Variants in SCAF4 observed in about 807,000 individuals in gnomAD.
The protein encoded by SCAF4 is SR-related and CTD-associated factor 4.
In SCAF4, 25 loss-of-function variants were observed where a neutral mutation model predicts 129.8. That is an observed-to-expected ratio of 0.19 (90% CI 0.14 to 0.27). SCAF4 has a LOEUF of 0.27. SCAF4 is among the 10% of genes least tolerant of loss of function. SCAF4 has a pLI of 1.00. For synonymous variants in SCAF4, 551 were observed against 497.7 expected (o/e 1.11, Z -1.43); for missense variants, 1,246 against 1,457.1 (o/e 0.86, Z 2.36).
Position 31,685,180 on chromosome 21 carries a change from G to A in SCAF4, c.2357C>T (p.Pro786Leu). The change falls in exon 19 of 20, where the codon CCA (proline) becomes CTA (leucine). Residue 786 changes from proline (P) to leucine (L), a missense_variant. Transcript: ENST00000286835. ...TCCTCTAGCCCCAGACACCACTGTT[G>A]GAATGGGATTTCCAATAGATAAGTC... ...TKDLSIGNPI[P>L]TVVSGARGNA... 6.2e-7 allele frequency: 1 copy of A among 1,612,336 alleles called. No homozygotes were observed. Among genetic ancestry groups the A allele is most frequent in the Non-Finnish European group, 8.5e-7 (1 of 1,179,104 alleles).
intron 3 of SCAF4, 30 bp from the exon 4 acceptor site, chr21:31,703,956 AG>A: frequency 2.1e-6 from 3 of 1,412,796 alleles, no homozygotes; most frequent in Non-Finnish European, 1.9e-6. Flanking sequence ...AGATCAGTAC[AG>A]AAAAAGCAAA....
chr21:31,696,342 C>A, intron 8 of SCAF4, 121 bp from the exon 9 acceptor site: 1 of 731,616 alleles, frequency 1.4e-6, no homozygotes, highest in South Asian at 2.3e-5. Flanking sequence ...ATATATTTAC[C>A]TATATATTAA....
chr21:31,675,528 T>A (rs1226505149), intron 19 of SCAF4, among the ~76,000 whole-genome samples: 1 of 152,154 alleles, frequency 6.6e-6, no homozygotes, highest in Non-Finnish European at 1.5e-5. Context: ...GCTCTCTGCC[T>A]TAACTGAGCG....
chr21:31,699,658 TTC>T (rs1368063780), intron 7 of SCAF4, among the ~76,000 whole-genome samples: 3 of 152,212 alleles, frequency 2.0e-5, no homozygotes, highest in Non-Finnish European at 4.4e-5. Context: ...AATAAAGTCC[TTC>T]TGTTTTTATA....
chr21:31,717,902 TATAC>T (rs761843702), intron 1 of SCAF4, among the ~76,000 whole-genome samples: 4,078 of 95,508 alleles, frequency 0.043, 164 homozygotes, highest in Admixed American at 0.16. Flanking sequence ...TATACACATA[TATAC>T]ACACACACAC....
rs926780340 is a variant in SCAF4, at chr21:31,692,513, A to G, written c.1514-64T>C. 10 of 1,073,014 alleles carry G rather than the reference A, an allele frequency of 9.3e-6. No homozygotes were observed. The African/African-American group carries it at 1.6e-4, about 17-fold the overall frequency. 66.5% of individuals were successfully genotyped at this position (1,073,014 alleles called of 1,614,324 possible). On this transcript the variant is annotated intron_variant, in intron 12 of 19. Coordinates refer to ENST00000286835, the MANE Select transcript of SCAF4 (RefSeq NM_020706.2). Reference sequence around the variant, plus strand: ...GATAATGAGCAGCACTGTAGCTTACATTAAAAAATCATTACACAAAATATT... The same window carrying G: ...GATAATGAGCAGCACTGTAGCTTACGTTAAAAAATCATTACACAAAATATT...
intron 1 of SCAF4, among the ~76,000 whole-genome samples, chr21:31,722,745 A>G (rs7276762): frequency 0.073 from 11,068 of 151,800 alleles, 556 homozygotes; most frequent in African/African-American, 0.14. Context: ...CACGAGGTCC[A>G]AGTTCAGGAC....
At position 31,672,191 on chromosome 21, in the gene SCAF4, G is replaced by T. The variant is rs2049724415; in HGVS notation, c.2652C>A (p.His884Gln). Residue 884 changes from histidine (H) to glutamine (Q), a missense_variant, in exon 20 of 20, where the codon CAC (histidine) becomes CAA (glutamine). Around this residue, in one of 6 missense-constraint regions of SCAF4, gnomAD observed 468 missense variants for 605.5 expected, o/e 0.77. Coordinates refer to ENST00000286835, the MANE Select transcript of SCAF4 (RefSeq NM_020706.2). The stretch of plus-strand genomic sequence containing the variant: ...CTGGCGGTGGGCCTCTGTGCATCAT[G>T]TGCGGTGGCATGGGACGGGGCGGCA... ...PLMPPRPMPP[H>Q]MMHRGPPPGP... is the part of the protein sequence containing the mutation. The T allele has an allele frequency of 6.2e-7, 1 of 1,606,160 alleles. No homozygotes were observed. Among genetic ancestry groups the T allele is most frequent in the Non-Finnish European group, 8.5e-7 (1 of 1,175,410 alleles).
intron 3 of SCAF4, among the ~76,000 whole-genome samples, chr21:31,704,922 G>A (rs771262243): frequency 3.3e-5 from 5 of 152,180 alleles, no homozygotes; most frequent in Non-Finnish European, 7.4e-5. Context: ...GGTACTACAT[G>A]TCACAGCTCC....
In SCAF4 at chr21:31,671,951, C is replaced by T. The variant is rs1429298154; in HGVS notation, c.2892G>A (p.Gln964=). The T allele has an allele frequency of 6.2e-7, 1 of 1,608,272 alleles. No individual in the cohort carries two copies. Among genetic ancestry groups the T allele is most frequent in the South Asian group, 1.1e-5 (1 of 90,800 alleles). The change falls in exon 20 of 20, where the codon CAG becomes CAA. Residue 964 remains glutamine, a synonymous_variant. Coordinates refer to ENST00000286835, the MANE Select transcript of SCAF4 (RefSeq NM_020706.2). ...QAPQQPQQQQ[Q]QQPPPSQQPP... is the part of the protein sequence containing the mutation. ...GCTGTTGTGATGGTGGTGGCTGCTG[C>T]TGCTGCTGCTGCTGTGGTTGCTGGG...
At chr21:31,694,110 A>G (rs73201521) in intron 11 of SCAF4, 94 bp downstream of exon 11, 26,542 of 679,936 alleles carry the variant, frequency 0.039, 724 homozygotes, top group Non-Finnish European at 0.048. Flanking sequence ...TTATTTTACT[A>G]ACATTCTGAA....
At chr21:31,696,942 AAC>A (rs1272733109) in intron 7 of SCAF4, among the ~76,000 whole-genome samples, 192 bp from the exon 8 acceptor site, 2 of 152,188 alleles carry the variant, frequency 1.3e-5, no homozygotes, top group Admixed American at 6.5e-5. Flanking sequence ...CAGTTTGGAA[AAC>A]ACACAGTGTT....
At chr21:31,724,015 G>A (rs1000418453) in intron 1 of SCAF4, among the ~76,000 whole-genome samples, 2 of 152,158 alleles carry the variant, frequency 1.3e-5, no homozygotes, top group African/African-American at 4.8e-5. Flanking sequence ...ATCTGGTACA[G>A]TGCACTTTAC....
chr21:31,694,354 C>T (rs1487353447), intron 10 of SCAF4, 65 bp from the exon 11 acceptor site: 9 of 993,172 alleles, frequency 9.1e-6, no homozygotes, highest in Non-Finnish European at 1.3e-5. Flanking sequence ...AGGACAAAAT[C>T]TAACAAAAGC....
intron 19 of SCAF4, chr21:31,684,141 G>A (rs2050059831): frequency 6.5e-6 from 1 of 153,422 alleles, no homozygotes; most frequent in African/African-American, 2.4e-5. Flanking sequence ...GTAATCAATA[G>A]GTTCTTTCCT....
At chr21:31,723,635 C>T (rs553207812) in intron 1 of SCAF4, among the ~76,000 whole-genome samples, 17,535 of 136,920 alleles carry the variant, frequency 0.13, 1,080 homozygotes, top group Non-Finnish European at 0.14. Flanking sequence ...TGTGTGCGCG[C>T]GCGCGCGCGC....
intron 13 of SCAF4, 48 bp from the exon 14 acceptor site, chr21:31,691,978 C>T (rs2050270924): frequency 1.1e-6 from 1 of 908,848 alleles, no homozygotes. Context: ...AATTGAAAAG[C>T]AACAAGATAC....
intron 1 of SCAF4, among the ~76,000 whole-genome samples, chr21:31,728,218 C>T (rs1306925402): frequency 6.6e-6 from 1 of 152,170 alleles, no homozygotes; most frequent in Non-Finnish European, 1.5e-5. Context: ...CTAACTAAAG[C>T]TAAAGACTTA....
At chr21:31,717,241 T>C (rs1229835297) in intron 1 of SCAF4, among the ~76,000 whole-genome samples, 7 of 152,166 alleles carry the variant, frequency 4.6e-5, no homozygotes, top group African/African-American at 1.7e-4. Flanking sequence ...TCTAGAAATT[T>C]ATCTAAGGCA....
Sources: gnomAD v4.1 joint callset for allele counts (sites outside exome capture counted in the v4.1 genomes callset) on GRCh38, gnomAD v4.1.1 for gene constraint, gnomAD v4.1.1 regional missense constraint, MANE v1.5 for transcripts, NCBI Gene and HGNC (gene_info 2026-07-23, HGNC 2026-07-21) for gene names.